The following SYTL5 variants were observed in gnomAD, a reference collection of about 807,000 sequenced individuals.
The protein encoded by SYTL5 is synaptotagmin-like protein 5.
SYTL5 carries 34 observed loss-of-function variants against 55.9 expected under a neutral mutation model. The observed-to-expected ratio is 0.61, with a 90% CI of 0.46 to 0.81. The LOEUF (loss-of-function observed/expected upper bound fraction) is 0.81. Ranked by LOEUF, SYTL5 falls within the 30% of genes least tolerant of loss-of-function variation. The pLI is 0.00. For synonymous variants in SYTL5, 221 were observed against 188.7 expected, an observed-to-expected ratio of 1.17 and a Z score of -1.40; for missense variants, 637 against 546.7, an observed-to-expected ratio of 1.17 and a Z score of -1.65.
At chrX:38,002,882 T>C (rs1383672126), upstream of SYTL5, among the ~76,000 whole-genome samples, 1 of 111,899 alleles carries the variant, frequency 8.9e-6, no homozygotes, top group African/African-American at 3.3e-5. Flanking sequence ...TGAGATCCCA[T>C]TTGTCAATTT....
At chrX:38,070,873 C>T (rs1311860616) in intron 3 of SYTL5, among the ~76,000 whole-genome samples, 1 of 111,750 alleles carries the variant, frequency 8.9e-6, no homozygotes, top group African/African-American at 3.3e-5. Context: ...TTTATAGCAG[C>T]ATAACTACTA....
chrX:37,945,583 G>GC, the SYTL5 span, among the ~76,000 whole-genome samples: 1 of 111,407 alleles, frequency 9.0e-6, no homozygotes, highest in Non-Finnish European at 1.9e-5. Context: ...GTGGCTCACT[G>GC]AAGACTCAAT....
At chrX:37,907,669 T>C in the SYTL5 span, among the ~76,000 whole-genome samples, 1 of 111,777 alleles carries the variant, frequency 8.9e-6, no homozygotes, top group Non-Finnish European at 1.9e-5. Flanking sequence ...GTAAGGTCTG[T>C]TGAAAAAAAA....
the SYTL5 span, among the ~76,000 whole-genome samples, chrX:37,995,231 ACT>A: frequency 1.8e-5 from 2 of 110,896 alleles, no homozygotes; most frequent in Non-Finnish European, 3.8e-5. Flanking sequence ...GGAGCTGCAG[ACT>A]CTGACTGAGG....
chrX:37,902,985 C>G, the SYTL5 span, among the ~76,000 whole-genome samples: 2 of 111,976 alleles, frequency 1.8e-5, no homozygotes, highest in Non-Finnish European at 3.8e-5. Context: ...AAATGCAAAT[C>G]AAAACCACAA....
chrX:37,892,460 T>C, the SYTL5 span, among the ~76,000 whole-genome samples: 1 of 102,020 alleles, frequency 9.8e-6, no homozygotes, highest in South Asian at 4.1e-4. Context: ...CTTTGACATA[T>C]ACTACATATG....
chrX:38,082,920 C>A lies in SYTL5; in HGVS notation c.689+6219C>A, dbSNP rs1936569868. On this transcript the variant is annotated intron_variant, in intron 6 of 16. Coordinates refer to ENST00000297875, the MANE Select transcript of SYTL5 (RefSeq NM_138780.3). Reference sequence around the variant, plus strand: ...GAGGAGATGGAGAGGTAAGTTGGACCAGGATGTAGATGGCTTTGGATGCCT... The same window carrying A: ...GAGGAGATGGAGAGGTAAGTTGGACAAGGATGTAGATGGCTTTGGATGCCT... 4.5e-5 allele frequency among the ~76,000 whole-genome samples: 5 copies of A among 112,231 alleles called. No homozygotes were observed. The South Asian group carries it at 1.9e-3, about 42-fold the overall frequency.
intron 13 of SYTL5, among the ~76,000 whole-genome samples, chrX:38,118,927 A>G (rs1602415669): frequency 2.1e-5 from 2 of 94,095 alleles, no homozygotes; most frequent in African/African-American, 8.3e-5. Context: ...GCTAATATAT[A>G]TATATATATA....
intron 12 of SYTL5, among the ~76,000 whole-genome samples, chrX:38,109,594 G>A (rs1354928194): frequency 9.1e-6 from 1 of 109,477 alleles, no homozygotes; most frequent in African/African-American, 3.3e-5. Flanking sequence ...CAGTGAGAGG[G>A]TAAATTTAGG....
intron 1 of SYTL5, among the ~76,000 whole-genome samples, chrX:38,029,546 G>A (rs2208108): frequency 9.0e-6 from 1 of 110,574 alleles, no homozygotes; most frequent in African/African-American, 3.3e-5. Flanking sequence ...CATAGCTAGG[G>A]GGCATGGCTA....
At chrX:38,111,817 G>A (rs1937367646) in intron 13 of SYTL5, among the ~76,000 whole-genome samples, 1 of 112,040 alleles carries the variant, frequency 8.9e-6, no homozygotes, top group African/African-American at 3.2e-5. Context: ...CCAGGGAGGT[G>A]AGATGCATTA....
At position 38,097,128 on chromosome X, in the gene SYTL5, G is replaced by A. The variant is rs187997721; in HGVS notation, c.1062+894G>A. ...AAAACTACAAGTCAAACTAGTTTAC[G>A]AATATACATGCAAAACTTTAAATAT... On this transcript the variant is annotated intron_variant, in intron 9 of 16. Coordinates refer to ENST00000297875, the MANE Select transcript of SYTL5 (RefSeq NM_138780.3). 4.8e-3 allele frequency among the ~76,000 whole-genome samples: 532 copies of A among 110,975 alleles called. 3 individuals are homozygous for A. The highest frequency in any genetic ancestry group is 9.9e-3 in the Middle Eastern group (2 of 202).
At chrX:37,994,278 C>A in the SYTL5 span, 1 of 112,413 alleles carries the variant, frequency 8.9e-6, no homozygotes, top group African/African-American at 3.2e-5. Flanking sequence ...GCACTGGTAC[C>A]TTGAGAGGCT....
At chrX:37,901,195 AG>A in the SYTL5 span, among the ~76,000 whole-genome samples, 3 of 112,144 alleles carry the variant, frequency 2.7e-5, no homozygotes, top group African/African-American at 9.7e-5. Flanking sequence ...ACTATCCCAT[AG>A]ATCCAAGTTC....
rs747432504 is a variant in SYTL5 at position 38,120,360 on chromosome X, G to A, written c.1599G>A (p.Val533=). Residue 533 remains valine (V), a splice_region_variant and synonymous_variant, in exon 14 of 17, where the codon GTG becomes GTA. Coordinates refer to ENST00000297875, the MANE Select transcript of SYTL5 (RefSeq NM_138780.3). ...TDEWFVLQPK[V]EFAPDIGLQY... ...CTTACTTGTTTCTCCTTGGCCAGGT[G>A]GAGTTTGCTCCTGATATTGGCCTTC... is the stretch of plus-strand genomic sequence containing the variant. 8.3e-7 allele frequency: 1 copy of A among 1,204,839 alleles called. No homozygotes were observed. Among genetic ancestry groups the A allele is most frequent in the East Asian group, 3.0e-5 (1 of 33,800 alleles).
chrX:38,051,292 G>A (rs886852538), intron 2 of SYTL5, among the ~76,000 whole-genome samples: 15 of 110,494 alleles, frequency 1.4e-4, no homozygotes, highest in Non-Finnish European at 2.8e-4. Flanking sequence ...AAAACTACTG[G>A]TTGGTTTTAA....
Position 38,126,807 on chromosome X carries a change from G to T in SYTL5, c.*77G>T, listed in dbSNP as rs941565313. The T allele has an allele frequency of 3.7e-5, 38 of 1,020,472 alleles. No homozygotes were observed. Among genetic ancestry groups the T allele is most frequent in the Non-Finnish European group, 4.9e-5 (37 of 757,562 alleles). 84.1% of individuals were successfully genotyped at this position (1,020,472 alleles called of 1,213,427 possible). On this transcript the variant is annotated 3_prime_UTR_variant, in exon 17 of 17. Transcript: ENST00000297875. Reference sequence around the variant, plus strand: ...TCCTACCATTAGCAAACTGAGACCTGGGATTCTGCTTCCCTGCCATTTCTC... The same window carrying T: ...TCCTACCATTAGCAAACTGAGACCTTGGATTCTGCTTCCCTGCCATTTCTC...
chrX:37,907,773 C>T, the SYTL5 span, among the ~76,000 whole-genome samples: 1 of 112,361 alleles, frequency 8.9e-6, no homozygotes, highest in Non-Finnish European at 1.9e-5. Context: ...AAAGATAAGT[C>T]ATTTAATTCA....
At chrX:37,890,834 G>A in the SYTL5 span, among the ~76,000 whole-genome samples, 2 of 111,556 alleles carry the variant, frequency 1.8e-5, no homozygotes, top group Admixed American at 9.6e-5. Context: ...GCAAATCAAC[G>A]TAACAGCTGA....
Sources: gnomAD v4.1 joint callset for allele counts (sites outside exome capture counted in the v4.1 genomes callset) on GRCh38, gnomAD v4.1.1 for gene constraint, MANE v1.5 for transcripts, NCBI Gene and HGNC (gene_info 2026-07-23, HGNC 2026-07-21) for gene names.